Variants in CTCF observed in about 807,000 individuals in gnomAD.
CTCF encodes the protein transcriptional repressor CTCF.
Under a neutral mutation model 72.3 loss-of-function variants are expected in CTCF, and 7 were observed. The observed-to-expected ratio is 0.10, with a 90% CI of 0.06 to 0.18. The LOEUF (loss-of-function observed/expected upper bound fraction) is 0.18. Ranked by LOEUF, CTCF falls within the 10% of genes least tolerant of loss-of-function variation. The pLI is 1.00. For missense variants in CTCF, 516 were observed against 949.1 expected, an observed-to-expected ratio of 0.54 and a Z score of 6.00; for synonymous variants, 374 against 315.8, an observed-to-expected ratio of 1.18 and a Z score of -1.95.
chr16:67,565,005 C>CT (rs545098307), intron 1 of CTCF, among the ~76,000 whole-genome samples: 2,198 of 144,636 alleles, frequency 0.015, 20 homozygotes, highest in Non-Finnish European at 0.022. Flanking sequence ...TAACCCAGAC[C>CT]TTTTTTTTTT....
rs184160180 is a variant in CTCF, at chr16:67,591,483, A to G, written c.-9-19341A>G. On this transcript the variant is annotated intron_variant, in intron 2 of 11. Transcript: ENST00000264010. ...TCCTCATTCTTTATTGTAGTCTACA[A>G]CTTTCCTGGTACTAGTTCACTGATA... Among the ~76,000 whole-genome samples the G allele has an allele frequency of 1.5e-3, 234 of 152,232 alleles. 1 individual carries two copies. Among genetic ancestry groups the G allele is most frequent in the Non-Finnish European group, 3.0e-3 (204 of 68,020 alleles).
chr16:67,621,449 G>A lies in CTCF; in HGVS notation c.1215G>A (p.Lys405=). ...KRHMRTHSGE[K]PYECYICHAR... ...TCTGTATTTTCTTTAAAGGGGAAAA[G>A]CCTTATGAATGTTATATTTGTCATG... The change falls in exon 7 of 12, where the codon AAG becomes AAA. Residue 405 remains lysine (K), a synonymous_variant. Transcript: ENST00000264010. 1 of 1,597,042 alleles carries A rather than the reference G, an allele frequency of 6.3e-7. No homozygotes were observed. Among genetic ancestry groups the A allele is most frequent in the South Asian group, 1.1e-5 (1 of 90,568 alleles).
At chr16:67,625,247 G>A (rs2142859269) in intron 7 of CTCF, among the ~76,000 whole-genome samples, 2 of 152,116 alleles carry the variant, frequency 1.3e-5, no homozygotes, top group South Asian at 2.1e-4. Context: ...GTACAGTGCA[G>A]TAGCACAATC....
rs139181685 is a variant in CTCF at position 67,573,839 on chromosome 16, T to C, written c.-10+2575T>C. Among the ~76,000 whole-genome samples, 825 of 152,230 alleles carry C rather than the reference T, an allele frequency of 5.4e-3. 2 individuals carry two copies. The highest frequency in any genetic ancestry group is 8.0e-3 in the Non-Finnish European group (542 of 68,018). On this transcript the variant is annotated intron_variant, in intron 2 of 11. Coordinates refer to ENST00000264010, the MANE Select transcript of CTCF (RefSeq NM_006565.4). Reference sequence around the variant, plus strand: ...CAAGTCCAAGAGATTGAGACCATCCTGACCAACATGGTGAAATCCCATCTC... The same window carrying C: ...CAAGTCCAAGAGATTGAGACCATCCCGACCAACATGGTGAAATCCCATCTC...
intron 2 of CTCF, among the ~76,000 whole-genome samples, chr16:67,581,228 C>T (rs907260798): frequency 4.6e-5 from 7 of 152,008 alleles, no homozygotes; most frequent in African/African-American, 1.2e-4. Context: ...GCACCTGGCC[C>T]GGCCTTACTT....
At chr16:67,617,470 G>C (rs1288331104) in intron 5 of CTCF, among the ~76,000 whole-genome samples, 2 of 152,084 alleles carry the variant, frequency 1.3e-5, no homozygotes, top group East Asian at 1.9e-4. Flanking sequence ...CTGCACTCCA[G>C]CCTGGGCGAC....
At chr16:67,631,499 T>G (rs1190358779) in intron 10 of CTCF, among the ~76,000 whole-genome samples, 1 of 151,810 alleles carries the variant, frequency 6.6e-6, no homozygotes, top group African/African-American at 2.4e-5. Flanking sequence ...GGGGTCCCAC[T>G]GTGTGGCTCA....
intron 11 of CTCF, among the ~76,000 whole-genome samples, 199 bp from the exon 12 acceptor site, chr16:67,637,489 G>A (rs1010482462): frequency 6.6e-6 from 1 of 152,196 alleles, no homozygotes; most frequent in Non-Finnish European, 1.5e-5. Context: ...CTGAGATCAT[G>A]CCCGTGCACT....
At chr16:67,568,713 A>G (rs1380926236) in intron 1 of CTCF, among the ~76,000 whole-genome samples, 1 of 151,558 alleles carries the variant, frequency 6.6e-6, no homozygotes, top group Non-Finnish European at 1.5e-5. Context: ...TGTATTTTGT[A>G]GAGACGGGGT....
chr16:67,587,007 C>T (rs1412437717), intron 2 of CTCF, among the ~76,000 whole-genome samples: 1 of 151,408 alleles, frequency 6.6e-6, no homozygotes, highest in Non-Finnish European at 1.5e-5. Context: ...GTTGCTTAGG[C>T]TTGTCCCATC....
intron 4 of CTCF, 45 bp downstream of exon 4, chr16:67,612,166 C>G (rs2052069988): frequency 6.4e-7 from 1 of 1,561,760 alleles, no homozygotes; most frequent in African/African-American, 1.4e-5. Context: ...AATGCTCAGA[C>G]TTCGCTTTTT....
chr16:67,568,803 C>A (rs907181909), intron 1 of CTCF, among the ~76,000 whole-genome samples: 3 of 151,870 alleles, frequency 2.0e-5, no homozygotes, highest in Admixed American at 6.6e-5. Context: ...TGCTGGATTG[C>A]TGGTGTGAGC....
intron 10 of CTCF, among the ~76,000 whole-genome samples, chr16:67,630,396 G>A (rs560902740): frequency 3.3e-5 from 5 of 152,186 alleles, no homozygotes; most frequent in Non-Finnish European, 1.5e-5. Flanking sequence ...TCCTACCACA[G>A]GTACTCTTTG....
chr16:67,621,155 AAAAG>A (rs2052194308), intron 6 of CTCF: 1 of 365,848 alleles, frequency 2.7e-6, no homozygotes, highest in Non-Finnish European at 4.9e-6. Context: ...TCTTTTCCTA[AAAAG>A]AAAAACTTGT....
At chr16:67,603,201 G>A (rs2051920154) in intron 2 of CTCF, among the ~76,000 whole-genome samples, 1 of 151,876 alleles carries the variant, frequency 6.6e-6, no homozygotes, top group Non-Finnish European at 1.5e-5. Flanking sequence ...AGACCAGCCT[G>A]GGCAACACAC....
At chr16:67,624,191 T>TTA (rs1229252518) in intron 7 of CTCF, among the ~76,000 whole-genome samples, 2 of 151,156 alleles carry the variant, frequency 1.3e-5, no homozygotes, top group Non-Finnish European at 1.5e-5. Flanking sequence ...ATATGTATTT[T>TTA]TATATATATG....
intron 2 of CTCF, among the ~76,000 whole-genome samples, chr16:67,579,408 G>A (rs1375472782): frequency 6.6e-6 from 1 of 151,370 alleles, no homozygotes. Flanking sequence ...ACCTAGGCTG[G>A]AGTGCAGTGC....
At chr16:67,578,115 G>T (rs1035100073) in intron 2 of CTCF, among the ~76,000 whole-genome samples, 1 of 151,952 alleles carries the variant, frequency 6.6e-6, no homozygotes, top group African/African-American at 2.4e-5. Flanking sequence ...AAATATAATT[G>T]TGCTATGGAA....
chr16:67,632,074 C>CAAAAAAAAAAA (rs556248338), intron 10 of CTCF, among the ~76,000 whole-genome samples: 1 of 96,364 alleles, frequency 1.0e-5, no homozygotes, highest in African/African-American at 3.9e-5. Flanking sequence ...ACCCTGTCTC[C>CAAAAAAAAAAA]AAAAAAAAAA....
Sources: allele counts gnomAD v4.1 joint callset (sites outside exome capture counted in the v4.1 genomes callset), GRCh38; gene constraint gnomAD v4.1.1; transcripts MANE v1.5; gene names NCBI Gene and HGNC (gene_info 2026-07-23, HGNC 2026-07-21).